The following COL11A1 variants were observed in gnomAD, a reference collection of about 807,000 sequenced individuals.
COL11A1 encodes collagen alpha-1(XI) chain.
A neutral mutation model predicts 265.2 loss-of-function variants in COL11A1; 74 were observed. The observed-to-expected ratio is 0.28, with a 90% CI of 0.23 to 0.34. The LOEUF is 0.34. COL11A1 is among the 10% of genes least tolerant of loss of function. The pLI is 1.00. For missense variants in COL11A1, 2,165 were observed against 2,263.6 expected, an observed-to-expected ratio of 0.96 and a Z score of 0.88; for synonymous variants, 816 against 727.6, an observed-to-expected ratio of 1.12 and a Z score of -1.96.
intron 57 of COL11A1, among the ~76,000 whole-genome samples, chr1:102,895,483 C>T (rs553365088): frequency 3.1e-4 from 47 of 151,932 alleles, no homozygotes; most frequent in Admixed American, 2.0e-3. Flanking sequence ...GGAAAAGAGA[C>T]CCAATAGGTA....
intron 4 of COL11A1, among the ~76,000 whole-genome samples, chr1:103,051,006 C>G (rs1669769827): frequency 6.6e-6 from 1 of 152,194 alleles, no homozygotes; most frequent in African/African-American, 2.4e-5. Flanking sequence ...TGTCAGTCTG[C>G]CCCTACTGGG....
chr1:102,934,986 G>T, intron 45 of COL11A1, 74 bp downstream of exon 45: 1 of 1,410,828 alleles, frequency 7.1e-7, no homozygotes, highest in Non-Finnish European at 1.0e-6. Flanking sequence ...AAATTGACTG[G>T]TTATGGGACA....
chr1:103,039,842 AAAGT>A (rs1185922767), intron 4 of COL11A1, among the ~76,000 whole-genome samples: 1 of 152,154 alleles, frequency 6.6e-6, no homozygotes, highest in Non-Finnish European at 1.5e-5. Context: ...ATTTATAACA[AAAGT>A]AATAACTGAC....
intron 23 of COL11A1, among the ~76,000 whole-genome samples, 198 bp downstream of exon 23, chr1:103,002,230 T>A (rs549176515): frequency 1.4e-4 from 21 of 152,212 alleles, no homozygotes; most frequent in African/African-American, 5.1e-4. Flanking sequence ...ATTGAATGAG[T>A]CATTTTTCCC....
At chr1:103,068,843 A>G (rs1374971892) in intron 4 of COL11A1, among the ~76,000 whole-genome samples, 5 of 151,540 alleles carry the variant, frequency 3.3e-5, no homozygotes, top group Non-Finnish European at 4.4e-5. Flanking sequence ...AAAAAAAAAT[A>G]CTTAGGAAAA....
At chr1:102,879,381 C>G in intron 66 of COL11A1, among the ~76,000 whole-genome samples, 1 of 152,068 alleles carries the variant, frequency 6.6e-6, no homozygotes, top group Middle Eastern at 3.4e-3. Context: ...TTTTTATTTT[C>G]TTTTTCATTT....
rs188402176 is a variant in COL11A1, at chr1:102,899,645, A to G, written c.4087-651T>C. Reference sequence around the variant, plus strand: ...AAAGCATAAGTACAGAATGACTGAAAAAGAAACTTAATGATCTCTAAGAAA... The same window carrying G: ...AAAGCATAAGTACAGAATGACTGAAGAAGAAACTTAATGATCTCTAAGAAA... On this transcript the variant is annotated intron_variant, in intron 54 of 66. Coordinates refer to ENST00000370096, the MANE Select transcript of COL11A1 (RefSeq NM_001854.4). Among the ~76,000 whole-genome samples the G allele has an allele frequency of 5.8e-4, 89 of 152,310 alleles. 1 individual carries two copies. The highest frequency in any genetic ancestry group is 2.1e-3 in the African/African-American group (88 of 41,578).
At chr1:102,975,836 A>C (rs1032306525) in intron 35 of COL11A1, among the ~76,000 whole-genome samples, 1 of 152,154 alleles carries the variant, frequency 6.6e-6, no homozygotes, top group African/African-American at 2.4e-5. Flanking sequence ...TTATCAATCT[A>C]GCCTTCCCAA....
intron 1 of COL11A1, 136 bp from the exon 2 acceptor site, chr1:103,083,108 G>C: frequency 2.4e-6 from 2 of 828,596 alleles, no homozygotes; most frequent in Non-Finnish European, 3.7e-6. Flanking sequence ...CTAACATTTA[G>C]GTGGGAGTTT....
Position 103,027,396 on chromosome 1 carries a change from A to AATATATATATAT in COL11A1, c.781-1076_781-1065dup, listed in dbSNP as rs57013059. Among the ~76,000 whole-genome samples, 42 of 92,068 alleles carry AATATATATATAT rather than the reference A, an allele frequency of 4.6e-4. 2 individuals carry two copies. Among genetic ancestry groups the AATATATATATAT allele is most frequent in the South Asian group, 1.1e-3 (3 of 2,646 alleles). The allele number at this position is 92,068 out of a possible 152,430, so 60.4% of individuals were successfully genotyped here. A position where few individuals can be genotyped will look rare whatever the true frequency, so the allele number is the denominator to read the frequency against. On this transcript the variant is annotated intron_variant, in intron 5 of 66. Transcript: ENST00000370096. ...AGTAAACTCAACAAGTTAAAACTCT[A>AATATATATATAT]ATATATATATATATATATATATATA...
intron 4 of COL11A1, among the ~76,000 whole-genome samples, chr1:103,032,370 A>G (rs1457509254): frequency 6.6e-6 from 1 of 152,128 alleles, no homozygotes; most frequent in African/African-American, 2.4e-5. Context: ...TTATACCACA[A>G]TATTCATTTT....
At chr1:103,046,927 AT>A in intron 4 of COL11A1, among the ~76,000 whole-genome samples, 1 of 152,134 alleles carries the variant, frequency 6.6e-6, no homozygotes, top group Non-Finnish European at 1.5e-5. Flanking sequence ...GATATGCGGC[AT>A]TATTTCTGAG....
At chr1:103,014,243 A>T (rs1330392705) in intron 13 of COL11A1, among the ~76,000 whole-genome samples, 1 of 152,118 alleles carries the variant, frequency 6.6e-6, no homozygotes, top group Admixed American at 6.6e-5. Flanking sequence ...TGGGAAAAAA[A>T]AATAGAAATC....
intron 38 of COL11A1, among the ~76,000 whole-genome samples, chr1:102,964,612 A>G (rs12023654): frequency 0.065 from 6,516 of 99,552 alleles, 191 homozygotes; most frequent in Non-Finnish European, 0.11. Flanking sequence ...GTGTGTGTGT[A>G]TGTGTTTGGA....
intron 1 of COL11A1, chr1:103,100,187 T>C (rs980600301): frequency 2.0e-5 from 3 of 151,864 alleles, no homozygotes; most frequent in South Asian, 4.1e-4. Context: ...TTTTGGATAA[T>C]CAACTCTGAC....
At chr1:103,026,183 A>G in intron 6 of COL11A1, 33 bp downstream of exon 6, 2 of 1,439,686 alleles carry the variant, frequency 1.4e-6, no homozygotes, top group Non-Finnish European at 2.0e-6. Context: ...GAACAGCAGG[A>G]CACCACATAC....
chr1:103,004,504 T>A lies in COL11A1; in HGVS notation c.1900-16A>T. The A allele has an allele frequency of 6.2e-7, 1 of 1,609,940 alleles. No homozygotes were observed. The highest frequency in any genetic ancestry group is 8.5e-7 in the Non-Finnish European group (1 of 1,176,884). On this transcript the variant is annotated splice_polypyrimidine_tract_variant and intron_variant, in intron 19 of 66. Coordinates refer to ENST00000370096, the MANE Select transcript of COL11A1 (RefSeq NM_001854.4). ...CATCTTCTCCCTGTCATTGACAAAA[T>A]GAATGAGAGTATAGAACATTTGGAC...
At chr1:103,016,853 T>C (rs1316209916) in intron 11 of COL11A1, among the ~76,000 whole-genome samples, 1 of 152,050 alleles carries the variant, frequency 6.6e-6, no homozygotes, top group Non-Finnish European at 1.5e-5. Context: ...GCTTGAATGG[T>C]ATAATTTCCT....
At chr1:102,987,511 T>C in intron 30 of COL11A1, 122 bp downstream of exon 30, 4 of 782,894 alleles carry the variant, frequency 5.1e-6, no homozygotes, top group Non-Finnish European at 8.8e-6. Flanking sequence ...AAAATGATAA[T>C]GAAACATTTT....
Sources: gnomAD v4.1 joint callset for allele counts (sites outside exome capture counted in the v4.1 genomes callset) on GRCh38, gnomAD v4.1.1 for gene constraint, MANE v1.5 for transcripts, NCBI Gene and HGNC (gene_info 2026-07-23, HGNC 2026-07-21) for gene names.